SHANK2: variants seen among roughly 807,000 people sequenced by gnomAD.
The protein encoded by SHANK2 is SH3 and multiple ankyrin repeat domains protein 2.
SHANK2 carries 43 observed loss-of-function variants against 133.7 expected under a neutral mutation model. That is an observed-to-expected ratio of 0.32 (90% CI 0.25 to 0.41). The LOEUF is 0.41. Ranked by LOEUF, SHANK2 falls within the 10% of genes least tolerant of loss-of-function variation. The pLI, the probability that SHANK2 is intolerant of heterozygous loss-of-function variation, is 1.00. For missense variants in SHANK2, 1,994 were observed against 2,235.8 expected (o/e 0.89, Z 2.18); for synonymous variants, 1,017 against 952.8 (o/e 1.07, Z -1.24).
chr11:71,110,706 G>A lies in SHANK2; in HGVS notation c.484-657C>T, dbSNP rs560860639. Among the ~76,000 whole-genome samples the A allele has an allele frequency of 1.6e-4, 24 of 152,340 alleles. No individual in the cohort carries two copies. In the South Asian group the frequency reaches 4.1e-3, roughly 26 times the overall value. On this transcript the variant is annotated intron_variant, in intron 5 of 25. Transcript: ENST00000601538. Reference sequence around the variant, plus strand: ...CAAGCCCTGAGGCTCCTGGAGCTGAGGCTTTTGGAACCACAGGGTGAGCAC... The same window carrying A: ...CAAGCCCTGAGGCTCCTGGAGCTGAAGCTTTTGGAACCACAGGGTGAGCAC...
intron 4 of SHANK2, among the ~76,000 whole-genome samples, chr11:71,115,694 C>T (rs1565459851): frequency 6.6e-6 from 1 of 152,100 alleles, no homozygotes. Flanking sequence ...GCATGGGTGG[C>T]TGGCTCGAGG....
At position 70,646,986 on chromosome 11, in the gene SHANK2, C is replaced by T. The variant is rs540229490; in HGVS notation, c.2061+12842G>A. ...AGCGGTTCTCCCTGCCTCAGCCTCC[C>T]GAGTAGCTGGTACTACAGGTGTCCG... On this transcript the variant is annotated intron_variant, in intron 17 of 25. Transcript: ENST00000601538. Among the ~76,000 whole-genome samples, 217 of 152,054 alleles carry T rather than the reference C, an allele frequency of 1.4e-3. 3 individuals carry two copies. The highest frequency in any genetic ancestry group is 2.0e-3 in the Non-Finnish European group (139 of 67,970).
rs73527961 is a variant in SHANK2 at position 70,732,242 on chromosome 11, C to T, written c.1778-33479G>A. Reference sequence around the variant, plus strand: ...ATCCAGTTGCTGAAGCCGCAAGCCTCGCCTCTGCTCTCACCCTCCACAGCC... The same window carrying T: ...ATCCAGTTGCTGAAGCCGCAAGCCTTGCCTCTGCTCTCACCCTCCACAGCC... On this transcript the variant is annotated intron_variant, in intron 14 of 25. Transcript: ENST00000601538. Among the ~76,000 whole-genome samples, 759 of 152,302 alleles carry T rather than the reference C, an allele frequency of 5.0e-3. 8 individuals are homozygous for T. Among genetic ancestry groups the T allele is most frequent in the African/African-American group, 0.017 (714 of 41,564 alleles).
At chr11:70,863,834 C>T (rs1555068448) in intron 11 of SHANK2, 1 of 457,702 alleles carries the variant, frequency 2.2e-6, no homozygotes, top group Non-Finnish European at 4.4e-6. Flanking sequence ...CAGGAAGAAA[C>T]CGAGTGAGGA....
At chr11:71,112,547 C>T (rs1555099532) in intron 5 of SHANK2, among the ~76,000 whole-genome samples, 2 of 152,184 alleles carry the variant, frequency 1.3e-5, no homozygotes, top group African/African-American at 4.8e-5. Flanking sequence ...CAAAGGGAAG[C>T]GCTTCAGGCA....
intron 2 of SHANK2, among the ~76,000 whole-genome samples, chr11:71,170,604 C>T (rs908752411): frequency 2.6e-5 from 4 of 152,164 alleles, no homozygotes; most frequent in Non-Finnish European, 4.4e-5. Context: ...ATAGGAAACA[C>T]GTCATGTGGG....
intron 6 of SHANK2, among the ~76,000 whole-genome samples, chr11:71,096,726 T>G (rs1454516792): frequency 6.6e-6 from 1 of 152,194 alleles, no homozygotes; most frequent in Non-Finnish European, 1.5e-5. Context: ...GTTAGGATTT[T>G]CTTTCCCATT....
At chr11:71,091,198 T>A (rs1555093926) in intron 8 of SHANK2, among the ~76,000 whole-genome samples, 2 of 152,136 alleles carry the variant, frequency 1.3e-5, no homozygotes. Flanking sequence ...CATTACTGCT[T>A]CCCTGCCTGC....
chr11:70,629,065 TGC>T (rs2060942521), intron 17 of SHANK2, among the ~76,000 whole-genome samples: 1 of 152,186 alleles, frequency 6.6e-6, no homozygotes, highest in Non-Finnish European at 1.5e-5. Flanking sequence ...TTCAGGCATG[TGC>T]GCGCCACAGC....
intron 2 of SHANK2, among the ~76,000 whole-genome samples, chr11:71,173,116 T>C (rs1355854651): frequency 1.3e-5 from 2 of 152,258 alleles, no homozygotes; most frequent in African/African-American, 4.8e-5. Context: ...CCTTGTTTGA[T>C]GAAGTGTCTT....
At chr11:71,222,337 G>A (rs1285267035) in intron 2 of SHANK2, among the ~76,000 whole-genome samples, 3 of 152,176 alleles carry the variant, frequency 2.0e-5, no homozygotes, top group Admixed American at 6.5e-5. Context: ...AATCGCAGCC[G>A]CCAGGGTTGC....
At position 70,487,861 on chromosome 11, in the gene SHANK2, C is replaced by T. The variant is rs2058834640; in HGVS notation, c.2573-141G>A. On this transcript the variant is annotated intron_variant, in intron 24 of 25. Transcript: ENST00000601538. The surrounding 1 kb of genome is among the most constrained non-coding windows in gnomAD (Gnocchi z 5.8). ...TGTTCAGGAAACACAGCACAAGCCA[C>T]GATGCCGAGTGGTTAGTCACATGGC... The T allele has an allele frequency of 8.0e-6, 12 of 1,503,474 alleles. No homozygotes were observed. The highest frequency in any genetic ancestry group is 6.1e-5 in the South Asian group (5 of 81,850). The allele number at this position is 1,503,474 out of a possible 1,614,324, so 93.1% of individuals were successfully genotyped here. A position where few individuals can be genotyped will look rare whatever the true frequency, so the allele number is the denominator to read the frequency against.
chr11:70,753,173 T>TAAAA (rs201365664), intron 14 of SHANK2, among the ~76,000 whole-genome samples: 2 of 121,616 alleles, frequency 1.6e-5, no homozygotes, highest in Non-Finnish European at 1.8e-5. Context: ...ACAGAACTGT[T>TAAAA]AAAAAAAAAA....
At chr11:70,875,873 G>T (rs1174884275) in intron 11 of SHANK2, among the ~76,000 whole-genome samples, 1 of 142,250 alleles carries the variant, frequency 7.0e-6, no homozygotes, top group Non-Finnish European at 1.5e-5. Context: ...AAAAAAAAAA[G>T]AGGCTGGTCA....
intron 14 of SHANK2, among the ~76,000 whole-genome samples, chr11:70,755,737 C>T (rs1290410017): frequency 2.6e-5 from 4 of 152,184 alleles, no homozygotes; most frequent in Non-Finnish European, 4.4e-5. Flanking sequence ...GCAGTGAGTC[C>T]GCTCCTACCA....
chr11:70,698,611 A>G, intron 15 of SHANK2, 77 bp downstream of exon 15: 1 of 716,956 alleles, frequency 1.4e-6, no homozygotes, highest in Admixed American at 2.0e-5. Flanking sequence ...GCTGCATGCA[A>G]GATGGTCCAA....
Position 71,245,292 on chromosome 11 carries a change from T to C in SHANK2, c.-113+7133A>G, listed in dbSNP as rs575564652. On this transcript the variant is annotated intron_variant, in intron 1 of 25. Coordinates refer to ENST00000601538, the MANE Select transcript of SHANK2 (RefSeq NM_012309.5). ...ACCTCGACCGGCCTCACCAAGTGTT[T>C]TTCTTATTTTGAAAATAGTTGTTAT... is the stretch of plus-strand genomic sequence containing the variant. Among the ~76,000 whole-genome samples, 14 of 152,346 alleles carry C rather than the reference T, an allele frequency of 9.2e-5. No homozygotes were observed. The East Asian group carries it at 2.3e-3, about 25-fold the overall frequency.
chr11:70,936,552 T>G (rs1452600371), intron 10 of SHANK2, among the ~76,000 whole-genome samples: 3 of 152,120 alleles, frequency 2.0e-5, no homozygotes, highest in African/African-American at 7.2e-5. Context: ...AAAGTAAAAC[T>G]AAAATAAGGC....
chr11:71,205,731 G>T (rs782557666), intron 2 of SHANK2, among the ~76,000 whole-genome samples: 1 of 152,222 alleles, frequency 6.6e-6, no homozygotes, highest in Non-Finnish European at 1.5e-5. Flanking sequence ...CTCCTAATGT[G>T]CATCTGGGCA....
Sources: gnomAD v4.1 joint callset for allele counts (sites outside exome capture counted in the v4.1 genomes callset) on GRCh38, gnomAD v4.1.1 for gene constraint, Gnocchi (gnomAD v3.1) non-coding constraint, MANE v1.5 for transcripts, NCBI Gene and HGNC (gene_info 2026-07-23, HGNC 2026-07-21) for gene names.